The following CCPG1 variants were observed in gnomAD, a reference collection of about 807,000 sequenced individuals.
CCPG1 encodes the protein cell cycle progression protein 1.
CCPG1 carries 46 observed loss-of-function variants against 81.3 expected under a neutral mutation model. That is an observed-to-expected ratio of 0.57 (90% CI 0.45 to 0.72). The LOEUF (loss-of-function observed/expected upper bound fraction) is 0.72, where lower values mean the gene tolerates loss of function less well. Ranked by LOEUF, CCPG1 falls within the 30% of genes least tolerant of loss-of-function variation. The probability of loss-of-function intolerance (pLI) is 0.00; values close to 1 mark genes in which losing one functional copy is unlikely to be tolerated. For missense variants in CCPG1, 902 were observed against 937.6 expected (o/e 0.96, Z 0.50); for synonymous variants, 330 against 305.2 (o/e 1.08, Z -0.85).
At chr15:55,386,952 C>T (rs918990598) in intron 2 of CCPG1, among the ~76,000 whole-genome samples, 9 of 151,242 alleles carry the variant, frequency 6.0e-5, no homozygotes, top group East Asian at 1.9e-4. Flanking sequence ...AATGAGAATT[C>T]GGAATGCAAG....
chr15:55,407,040 C>CACCCCG lies in CCPG1; in HGVS notation c.-10+1180_-10+1181insCGGGGT, dbSNP rs757039695. Among the ~76,000 whole-genome samples, 38 of 132,636 alleles carry CACCCCG rather than the reference C, an allele frequency of 2.9e-4. 2 individuals carry two copies. The South Asian group carries it at 3.3e-3, about 12-fold the overall frequency. 87.0% of individuals were successfully genotyped at this position (132,636 alleles called of 152,430 possible). On this transcript the variant is annotated intron_variant, in intron 1 of 8. Transcript: ENST00000442196. Reference sequence around the variant, plus strand: ...CCAGCCTGGCCGACACGTTGAGACCCCCCCCCCCGCCCCGCCGTCTCTACT... The same window carrying CACCCCG: ...CCAGCCTGGCCGACACGTTGAGACCCACCCCGCCCCCCCCGCCCCGCCGTCTCTACT...
chr15:55,381,823 T>G (rs1204017502), intron 3 of CCPG1, among the ~76,000 whole-genome samples: 1 of 55,522 alleles, frequency 1.8e-5, no homozygotes. Flanking sequence ...TAATACAGAT[T>G]CCATTTTACC....
At chr15:55,376,879 G>A (rs1595840567) in intron 5 of CCPG1, 70 bp downstream of exon 5, 1 of 1,086,496 alleles carries the variant, frequency 9.2e-7, no homozygotes. Context: ...AATTATTAGG[G>A]GTAGAAAACA....
At chr15:55,375,712 G>A (rs2056551422) in intron 5 of CCPG1, among the ~76,000 whole-genome samples, 1 of 146,284 alleles carries the variant, frequency 6.8e-6, no homozygotes. Context: ...TTTTGAGACA[G>A]GATCCTGCTC....
At chr15:55,386,234 C>T (rs1373717215) in intron 2 of CCPG1, among the ~76,000 whole-genome samples, 3 of 148,634 alleles carry the variant, frequency 2.0e-5, no homozygotes, top group Non-Finnish European at 3.0e-5. Context: ...TTCAATTTTA[C>T]AACATATTCA....
rs749898304 is a variant in CCPG1 at position 55,360,677 on chromosome 15, G to GT, written c.1095dup (p.His366ThrfsTer5). ...GTCTCCCTTTGACTAAGAAAGCTGT[G>GT]TTTTTTCTGCTTTTCCTCTTCCAAA... On this transcript the variant is annotated frameshift_variant, in exon 8 of 9. Coordinates refer to ENST00000442196, the MANE Select transcript of CCPG1 (RefSeq NM_001204450.2). LOFTEE classifies it high-confidence loss of function. 5.0e-6 allele frequency: 8 copies of GT among 1,613,878 alleles called. No homozygotes were observed. The highest frequency in any genetic ancestry group is 3.3e-5 in the South Asian group (3 of 91,028).
intron 1 of CCPG1, among the ~76,000 whole-genome samples, chr15:55,405,218 C>A (rs549101417): frequency 1.3e-5 from 2 of 151,848 alleles, no homozygotes; most frequent in South Asian, 4.2e-4. Context: ...CAAAATTAGC[C>A]GGGCATGGTG....
intron 8 of CCPG1, chr15:55,356,730 C>T (rs987012559): frequency 5.7e-6 from 6 of 1,048,206 alleles, no homozygotes; most frequent in Non-Finnish European, 6.9e-6. Context: ...AAATCAGTCC[C>T]TCCCCGCTGG....
At chr15:55,357,402 C>G (rs2056103665) in intron 8 of CCPG1, 2 of 985,338 alleles carry the variant, frequency 2.0e-6, no homozygotes, top group South Asian at 4.7e-5. Context: ...ATATTGACCA[C>G]CTTCTAGCTT....
At chr15:55,386,193 CAAAAAA>C (rs34646724) in intron 2 of CCPG1, among the ~76,000 whole-genome samples, 3 of 103,862 alleles carry the variant, frequency 2.9e-5, no homozygotes, top group African/African-American at 1.4e-4. Context: ...AATTCCGTCT[CAAAAAA>C]AAAAAAAAAA....
chr15:55,398,520 G>GA (rs1288141981), intron 1 of CCPG1, among the ~76,000 whole-genome samples: 3 of 152,054 alleles, frequency 2.0e-5, no homozygotes, highest in Admixed American at 6.5e-5. Flanking sequence ...CAAAGGATAT[G>GA]AAAATGTCTG....
intron 6 of CCPG1, 61 bp from the exon 7 acceptor site, chr15:55,365,370 T>C: frequency 1.0e-6 from 1 of 979,344 alleles, no homozygotes; most frequent in Non-Finnish European, 1.6e-6. Context: ...ATGTTTTATG[T>C]ATTTTTTAAT....
intron 3 of CCPG1, among the ~76,000 whole-genome samples, chr15:55,379,292 G>A (rs1460785273): frequency 2.0e-5 from 3 of 151,818 alleles, no homozygotes; most frequent in African/African-American, 7.3e-5. Flanking sequence ...GGAGGCCAAG[G>A]CTGGAGGACT....
At chr15:55,402,144 T>C (rs1034386112) in intron 1 of CCPG1, among the ~76,000 whole-genome samples, 1 of 152,220 alleles carries the variant, frequency 6.6e-6, no homozygotes, top group Admixed American at 6.5e-5. Context: ...CTACTTACTT[T>C]TTTCCTTGAG....
At chr15:55,364,458 T>C (rs2056278993) in intron 7 of CCPG1, among the ~76,000 whole-genome samples, 1 of 150,978 alleles carries the variant, frequency 6.6e-6, no homozygotes, top group South Asian at 2.1e-4. Context: ...AATGTCTATA[T>C]ACACATATAA....
intron 2 of CCPG1, among the ~76,000 whole-genome samples, chr15:55,388,396 T>C (rs997957589): frequency 6.6e-6 from 1 of 152,198 alleles, no homozygotes; most frequent in African/African-American, 2.4e-5. Flanking sequence ...ATAAAATTCA[T>C]TTTGTGATAG....
chr15:55,376,320 T>A (rs1019440137), intron 5 of CCPG1, among the ~76,000 whole-genome samples: 3 of 152,154 alleles, frequency 2.0e-5, no homozygotes, highest in African/African-American at 7.2e-5. Flanking sequence ...CAGAAAGAAA[T>A]CAAGCAACTC....
chr15:55,377,156 G>C lies in CCPG1; in HGVS notation c.253-6C>G, dbSNP rs778530393. 5 of 1,600,742 alleles carry C rather than the reference G, an allele frequency of 3.1e-6. No homozygotes were observed. In the South Asian group the frequency reaches 5.5e-5, roughly 18 times the overall value. The stretch of plus-strand genomic sequence containing the variant: ...GGTATCTTTTGTTCCTCTGCCTGAA[G>C]AATCATAATTTTAGAGATGGTAAGT... On this transcript the variant is annotated splice_polypyrimidine_tract_variant and splice_region_variant and intron_variant, in intron 4 of 8. Transcript: ENST00000442196.
intron 5 of CCPG1, 95 bp downstream of exon 5, chr15:55,376,854 C>A: frequency 1.1e-6 from 1 of 896,262 alleles, no homozygotes; most frequent in South Asian, 1.6e-5. Flanking sequence ...CAAACATATT[C>A]AAAACTAGAG....
Sources: allele counts gnomAD v4.1 joint callset (sites outside exome capture counted in the v4.1 genomes callset), GRCh38; gene constraint gnomAD v4.1.1; transcripts MANE v1.5; gene names NCBI Gene and HGNC (gene_info 2026-07-23, HGNC 2026-07-21).